Variants in PAX7 observed in about 807,000 individuals in gnomAD.
PAX7 encodes the protein paired box protein Pax-7.
A neutral mutation model predicts 50.7 loss-of-function variants in PAX7; 18 were observed. That is an observed-to-expected ratio of 0.36 (90% CI 0.25 to 0.53). PAX7 has a LOEUF of 0.53. PAX7 is among the 20% of genes least tolerant of loss of function. PAX7 has a pLI of 0.93. For synonymous variants in PAX7, 310 were observed against 290.4 expected, an observed-to-expected ratio of 1.07 and a Z score of -0.69; for missense variants, 644 against 702.9, an observed-to-expected ratio of 0.92 and a Z score of 0.95.
At chr1:18,674,175 C>T (rs902094233) in intron 4 of PAX7, among the ~76,000 whole-genome samples, 3 of 152,240 alleles carry the variant, frequency 2.0e-5, no homozygotes, top group African/African-American at 7.2e-5. Context: ...AGGCCCTCTT[C>T]TGGGCATTGA....
At chr1:18,639,519 G>A (rs541526096) in intron 4 of PAX7, among the ~76,000 whole-genome samples, 11 of 152,130 alleles carry the variant, frequency 7.2e-5, no homozygotes, top group African/African-American at 2.7e-4. Context: ...AAAGGGAAGT[G>A]GACAGTTCCT....
chr1:18,694,137 G>T, intron 5 of PAX7, among the ~76,000 whole-genome samples: 1 of 152,328 alleles, frequency 6.6e-6, no homozygotes, highest in East Asian at 1.9e-4. Context: ...AGCTTTCTCA[G>T]AGAAGAGGGA....
intron 7 of PAX7, among the ~76,000 whole-genome samples, chr1:18,714,216 A>AATAG (rs1361453950): frequency 6.6e-6 from 1 of 151,498 alleles, no homozygotes; most frequent in Admixed American, 6.6e-5. Flanking sequence ...CAAATAAATA[A>AATAG]ATAAATAAAT....
At chr1:18,677,052 A>G (rs1557524257) in intron 4 of PAX7, among the ~76,000 whole-genome samples, 1 of 152,222 alleles carries the variant, frequency 6.6e-6, no homozygotes. Flanking sequence ...GGGCAAGGTG[A>G]AGAGTCCTCT....
At chr1:18,643,011 G>A (rs2088280580) in intron 4 of PAX7, among the ~76,000 whole-genome samples, 2 of 152,096 alleles carry the variant, frequency 1.3e-5, no homozygotes, top group Admixed American at 6.5e-5. Flanking sequence ...CGAAGGGAGG[G>A]GGTCGGCTGC....
At position 18,716,507 on chromosome 1, in the gene PAX7, TTTTG is replaced by T. The variant is rs374402172; in HGVS notation, c.1155+13215_1155+13218del. 1.4e-3 allele frequency among the ~76,000 whole-genome samples: 205 copies of T among 149,804 alleles called. 2 individuals carry two copies. The highest frequency in any genetic ancestry group is 4.9e-3 in the African/African-American group (196 of 39,990). Reference sequence around the variant, plus strand: ...CCACGTCTGTTTGTTGTTTTTTGTTTTTTGTTTTTTTCACACACTCTCTGCTTCC... The same window carrying T: ...CCACGTCTGTTTGTTGTTTTTTGTTTTTTTTTTCACACACTCTCTGCTTCC... On this transcript the variant is annotated intron_variant, in intron 7 of 8. Coordinates refer to ENST00000420770, the MANE Select transcript of PAX7 (RefSeq NM_001135254.2).
At chr1:18,645,592 C>T (rs935759601) in intron 4 of PAX7, among the ~76,000 whole-genome samples, 1 of 152,140 alleles carries the variant, frequency 6.6e-6, no homozygotes, top group African/African-American at 2.4e-5. Context: ...CAATTCAGGC[C>T]GAGGTCTTTC....
Position 18,665,836 on chromosome 1 carries a change from AT to A in PAX7, c.587-25911del, listed in dbSNP as rs533808861. 2.6e-5 allele frequency among the ~76,000 whole-genome samples: 4 copies of A among 151,650 alleles called. No homozygotes were observed. The East Asian group carries it at 7.8e-4, about 30-fold the overall frequency. ...AGGCGTGCACCACCATGCCTGACTG[AT>A]TTTTTTGTATTTTAAATAGAGACAA... On this transcript the variant is annotated intron_variant, in intron 4 of 8. Transcript: ENST00000420770.
chr1:18,686,918 T>G (rs2088985673), intron 4 of PAX7, among the ~76,000 whole-genome samples: 1 of 146,780 alleles, frequency 6.8e-6, no homozygotes, highest in Non-Finnish European at 1.5e-5. Flanking sequence ...TGAGACAGAG[T>G]CTTGCTCTGT....
intron 7 of PAX7, among the ~76,000 whole-genome samples, chr1:18,718,656 T>G (rs1010295145): frequency 3.3e-5 from 5 of 151,886 alleles, no homozygotes; most frequent in Non-Finnish European, 7.4e-5. Context: ...CCTTTTTTTT[T>G]TTTTGAGATG....
intron 4 of PAX7, among the ~76,000 whole-genome samples, chr1:18,684,667 T>C (rs2088949378): frequency 6.6e-6 from 1 of 152,240 alleles, no homozygotes; most frequent in South Asian, 2.1e-4. Context: ...CAGAGACGCC[T>C]GGCCCACACT....
In PAX7 at chr1:18,634,907, C is replaced by T. The variant is rs1419706170; in HGVS notation, c.322-204C>T. On this transcript the variant is annotated intron_variant, in intron 2 of 8. Coordinates refer to ENST00000420770, the MANE Select transcript of PAX7 (RefSeq NM_001135254.2). This position sits in a 1 kb window ranked among gnomAD's most constrained non-coding sequence, Gnocchi z 4.0. ...TTGCCTATCCATGTCCCACCCCACCCCACCTGGCCAGACCCCCAGCTGCCT... is the reference window on the plus strand; with the variant it reads ...TTGCCTATCCATGTCCCACCCCACCTCACCTGGCCAGACCCCCAGCTGCCT... 2.0e-5 allele frequency among the ~76,000 whole-genome samples: 3 copies of T among 152,280 alleles called. No homozygotes were observed. Among genetic ancestry groups the T allele is most frequent in the South Asian group, 2.1e-4 (1 of 4,820 alleles).
At chr1:18,659,578 C>T (rs1243034093) in intron 4 of PAX7, among the ~76,000 whole-genome samples, 1 of 152,176 alleles carries the variant, frequency 6.6e-6, no homozygotes, top group Non-Finnish European at 1.5e-5. Context: ...TTGTACTCAC[C>T]TTCCCTGGTG....
intron 7 of PAX7, among the ~76,000 whole-genome samples, chr1:18,725,696 T>G (rs975743723): frequency 6.6e-6 from 1 of 152,220 alleles, no homozygotes; most frequent in Non-Finnish European, 1.5e-5. Context: ...GATCGGCCCC[T>G]TCCCCCCGAG....
At chr1:18,651,108 G>A (rs2088423827) in intron 4 of PAX7, among the ~76,000 whole-genome samples, 1 of 152,170 alleles carries the variant, frequency 6.6e-6, no homozygotes, top group Non-Finnish European at 1.5e-5. Flanking sequence ...TGTCCCCTGA[G>A]CTGTGGCTTC....
intron 4 of PAX7, among the ~76,000 whole-genome samples, chr1:18,668,924 T>C (rs565924230): frequency 6.6e-6 from 1 of 152,260 alleles, no homozygotes; most frequent in East Asian, 1.9e-4. Context: ...CTGGTTCTTG[T>C]TTGGACACAT....
At chr1:18,705,777 C>T (rs188891362) in intron 7 of PAX7, among the ~76,000 whole-genome samples, 7 of 152,106 alleles carry the variant, frequency 4.6e-5, no homozygotes, top group Non-Finnish European at 1.0e-4. Context: ...CTAAGTTGGA[C>T]GCCCAGCCCT....
At chr1:18,690,926 A>G (rs955022799) in intron 4 of PAX7, among the ~76,000 whole-genome samples, 3 of 152,236 alleles carry the variant, frequency 2.0e-5, no homozygotes, top group Non-Finnish European at 4.4e-5. Context: ...ACCAGCATTT[A>G]GGAGCAGAGC....
chr1:18,632,512 C>A lies in PAX7; in HGVS notation c.85+824C>A, dbSNP rs1388958996. ...GGCTGGGAGCGCACAGCGGAGAGAC[C>A]CGCTCCTGTGTTTTTGTTCTGTTTT... is the stretch of plus-strand genomic sequence containing the variant. On this transcript the variant is annotated intron_variant, in intron 1 of 8. Coordinates refer to ENST00000420770, the MANE Select transcript of PAX7 (RefSeq NM_001135254.2). This position sits in a 1 kb window ranked among gnomAD's most constrained non-coding sequence, Gnocchi z 6.3. 6.6e-6 allele frequency among the ~76,000 whole-genome samples: 1 copy of A among 152,094 alleles called. No individual in the cohort carries two copies. Among genetic ancestry groups the A allele is most frequent in the African/African-American group, 2.4e-5 (1 of 41,410 alleles).
Sources: gnomAD v4.1 joint callset for allele counts (sites outside exome capture counted in the v4.1 genomes callset) on GRCh38, gnomAD v4.1.1 for gene constraint, Gnocchi (gnomAD v3.1) non-coding constraint, MANE v1.5 for transcripts, NCBI Gene and HGNC (gene_info 2026-07-23, HGNC 2026-07-21) for gene names.